Variants in DOCK8 observed in about 807,000 individuals in gnomAD.
The protein encoded by DOCK8 is dedicator of cytokinesis protein 8.
DOCK8 carries 141 observed loss-of-function variants against 245.6 expected under a neutral mutation model. That is an observed-to-expected ratio of 0.57 (90% CI 0.50 to 0.66). The LOEUF (loss-of-function observed/expected upper bound fraction) is 0.66, where lower values mean the gene tolerates loss of function less well. Ranked by LOEUF, DOCK8 falls within the 30% of genes least tolerant of loss-of-function variation. DOCK8 has a pLI of 0.00. For missense variants in DOCK8, 2,965 were observed against 2,603.4 expected (o/e 1.14, Z -3.02); for synonymous variants, 1,168 against 970.2 (o/e 1.20, Z -3.79).
intron 14 of DOCK8, among the ~76,000 whole-genome samples, chr9:358,129 G>A (rs2052534454): frequency 6.6e-6 from 1 of 152,008 alleles, no homozygotes; most frequent in South Asian, 2.1e-4. Flanking sequence ...CTGTCACCCA[G>A]GCTGGAGTGC....
rs575072057 is a variant in DOCK8 at position 227,985 on chromosome 9, G to A, written c.53+12956G>A. On this transcript the variant is annotated intron_variant, in intron 1 of 47. Coordinates refer to ENST00000432829, the MANE Select transcript of DOCK8 (RefSeq NM_203447.4). ...GGCAAAGAGCCATTGGATTTACCCT[G>A]AAGGTGGTCATTGAAAACCTCTGAA... Among the ~76,000 whole-genome samples, 3 of 152,290 alleles carry A rather than the reference G, an allele frequency of 2.0e-5. No homozygotes were observed. In the South Asian group the frequency reaches 6.2e-4, roughly 32 times the overall value.
At chr9:214,142 C>T (rs12553716), upstream of DOCK8, 4,854 of 274,974 alleles carry the variant, frequency 0.018, 97 homozygotes, top group South Asian at 0.048. Context: ...ACACGGGCTC[C>T]TCCACTCCCG....
intron 36 of DOCK8, among the ~76,000 whole-genome samples, chr9:430,839 G>A (rs2131723494): frequency 6.6e-6 from 1 of 152,166 alleles, no homozygotes; most frequent in Admixed American, 6.5e-5. Flanking sequence ...TAAATGATCG[G>A]TGTCATCTAA....
chr9:415,905 G>T (rs1473787214), intron 29 of DOCK8, among the ~76,000 whole-genome samples: 2 of 152,206 alleles, frequency 1.3e-5, no homozygotes, highest in African/African-American at 4.8e-5. Flanking sequence ...AATGGAAAGT[G>T]TCATGTGTGA....
At chr9:238,098 C>A (rs780214682) in intron 1 of DOCK8, among the ~76,000 whole-genome samples, 4 of 152,114 alleles carry the variant, frequency 2.6e-5, no homozygotes, top group Admixed American at 6.6e-5. Context: ...ACCTTCTAAT[C>A]ATTGAATAAT....
intron 20 of DOCK8, 53 bp from the exon 21 acceptor site, chr9:379,718 A>C (rs540541307): frequency 1.9e-6 from 3 of 1,598,810 alleles, no homozygotes; most frequent in Non-Finnish European, 2.6e-6. Flanking sequence ...CTTCCACCTC[A>C]GGCTCCTTAA....
intron 42 of DOCK8, 36 bp downstream of exon 42, chr9:442,045 A>T: frequency 1.2e-6 from 2 of 1,612,696 alleles, no homozygotes; most frequent in Non-Finnish European, 1.7e-6. Context: ...GACCTGGTAC[A>T]CTTTACAAAA....
At chr9:290,608 G>A (rs1017250975) in intron 4 of DOCK8, among the ~76,000 whole-genome samples, 4 of 152,150 alleles carry the variant, frequency 2.6e-5, no homozygotes, top group African/African-American at 7.2e-5. Context: ...CATGGACCTG[G>A]ACAGCACTCT....
intron 2 of DOCK8, among the ~76,000 whole-genome samples, chr9:272,161 T>G (rs139518435): frequency 6.6e-6 from 1 of 152,180 alleles, no homozygotes; most frequent in South Asian, 2.1e-4. Flanking sequence ...ATAATAAAAT[T>G]CACACATTTT....
At chr9:235,146 G>C (rs1403121810) in intron 1 of DOCK8, among the ~76,000 whole-genome samples, 2 of 152,164 alleles carry the variant, frequency 1.3e-5, no homozygotes, top group African/African-American at 4.8e-5. Flanking sequence ...GTCTGTTGGA[G>C]TTTGCTAGAG....
chr9:263,271 T>A (rs1003973952), intron 1 of DOCK8, among the ~76,000 whole-genome samples: 2 of 152,152 alleles, frequency 1.3e-5, no homozygotes, highest in African/African-American at 4.8e-5. Context: ...TAGGTTTTTT[T>A]TTCCATTTTG....
chr9:245,060 C>T (rs758079777), intron 1 of DOCK8, among the ~76,000 whole-genome samples: 13 of 152,144 alleles, frequency 8.5e-5, no homozygotes, highest in Admixed American at 2.0e-4. Context: ...CATCCACCTC[C>T]TGAGGTTGCT....
In DOCK8 at chr9:359,850, A is replaced by T. The variant is rs187210537; in HGVS notation, c.1680-8168A>T. ...TTACAGAGGGAGAATTTTAAAACACAAATGAAGAAAAAGAAATTACTTTGA... is the reference window on the plus strand; with the variant it reads ...TTACAGAGGGAGAATTTTAAAACACTAATGAAGAAAAAGAAATTACTTTGA... On this transcript the variant is annotated intron_variant, in intron 14 of 47. Transcript: ENST00000432829. 1.1e-3 allele frequency among the ~76,000 whole-genome samples: 172 copies of T among 152,206 alleles called. 4 individuals carry two copies. The highest frequency in any genetic ancestry group is 0.011 in the Admixed American group (171 of 15,286).
At position 339,079 on chromosome 9, in the gene DOCK8, G is replaced by C; in HGVS notation, c.1496G>C (p.Arg499Thr). Residue 499 changes from arginine to threonine, a missense_variant, in exon 13 of 48, where the codon AGA (arginine) becomes ACA (threonine). Around this residue, in one of 3 missense-constraint regions of DOCK8, gnomAD observed 2,825 missense variants for 2,453.5 expected, o/e 1.15. Coordinates refer to ENST00000432829, the MANE Select transcript of DOCK8 (RefSeq NM_203447.4). The part of the protein sequence containing the change: ...ADYKRSSSLQ[R>T]RVKSIPGLLR... ...TACAAAAGATCATCATCCTTACAGA[G>C]ACGAGTCAAGTCAATTCCAGGTGTG... 1 of 1,614,086 alleles carries C rather than the reference G, an allele frequency of 6.2e-7. No homozygotes were observed. The highest frequency in any genetic ancestry group is 8.5e-7 in the Non-Finnish European group (1 of 1,179,984).
chr9:329,464 C>T lies in DOCK8; in HGVS notation c.1044+1293C>T, dbSNP rs186332665. 8.5e-5 allele frequency among the ~76,000 whole-genome samples: 13 copies of T among 152,152 alleles called. No individual in the cohort carries two copies. The East Asian group carries it at 2.5e-3, about 29-fold the overall frequency. On this transcript the variant is annotated intron_variant, in intron 9 of 47. Transcript: ENST00000432829. ...TCTTTTCACTCTAGCTTCTTTAACA[C>T]CATATAACAAAGATTATGAGAGGTT...
intron 26 of DOCK8, among the ~76,000 whole-genome samples, chr9:399,748 A>G (rs965721701): frequency 1.3e-5 from 2 of 152,170 alleles, no homozygotes; most frequent in East Asian, 3.9e-4. Context: ...AATATTTCAT[A>G]AACCAAGTGC....
At chr9:421,393 C>A (rs2056272773) in intron 32 of DOCK8, among the ~76,000 whole-genome samples, 1 of 152,104 alleles carries the variant, frequency 6.6e-6, no homozygotes, top group Non-Finnish European at 1.5e-5. Context: ...TCCCTCAAGG[C>A]TGAGGCCTTT....
Position 278,034 on chromosome 9 carries a change from G to C in DOCK8, c.156+6305G>C, listed in dbSNP as rs546800292. ...CTTTCAAGGGGTTGGGCTATTCTTA[G>C]GTTTCACTGATTGCACTGGAAGGGA... On this transcript the variant is annotated intron_variant, in intron 2 of 47. Coordinates refer to ENST00000432829, the MANE Select transcript of DOCK8 (RefSeq NM_203447.4). 4.6e-5 allele frequency among the ~76,000 whole-genome samples: 7 copies of C among 152,302 alleles called. No homozygotes were observed. The East Asian group carries it at 1.3e-3, about 29-fold the overall frequency.
chr9:368,540 A>T (rs1014919253), intron 15 of DOCK8: 1 of 468,038 alleles, frequency 2.1e-6, no homozygotes, highest in African/African-American at 1.9e-5. Flanking sequence ...ACACTTACTC[A>T]AGCCTCGGAC....
Sources: gnomAD v4.1 joint callset for allele counts (sites outside exome capture counted in the v4.1 genomes callset) on GRCh38, gnomAD v4.1.1 for gene constraint, gnomAD v4.1.1 regional missense constraint, MANE v1.5 for transcripts, NCBI Gene and HGNC (gene_info 2026-07-23, HGNC 2026-07-21) for gene names.